Variants in CAPRIN2 observed in about 807,000 individuals in gnomAD.
CAPRIN2 encodes the protein caprin family member 2.
A neutral mutation model predicts 130.4 loss-of-function variants in CAPRIN2; 66 were observed. That is an observed-to-expected ratio of 0.51 (90% CI 0.42 to 0.62). The LOEUF (loss-of-function observed/expected upper bound fraction) is 0.62. CAPRIN2 is among the 20% of genes least tolerant of loss of function. CAPRIN2 has a pLI of 0.00. For missense variants in CAPRIN2, 1,185 were observed against 1,246.6 expected (o/e 0.95, Z 0.74); for synonymous variants, 471 against 444.1 (o/e 1.06, Z -0.76).
intron 2 of CAPRIN2, among the ~76,000 whole-genome samples, chr12:30,748,256 AAG>A (rs1396817549): frequency 7.9e-5 from 12 of 152,188 alleles, no homozygotes; most frequent in Non-Finnish European, 1.6e-4. Flanking sequence ...TCTTTCATGA[AAG>A]AGAGTCCATC....
exon 17 of CAPRIN2, chr12:30,709,988 T>A: frequency 6.2e-7 from 1 of 1,614,148 alleles, no homozygotes; most frequent in Admixed American, 1.7e-5. Flanking sequence ...CGTAACCATA[T>A]CTGGTCTCCC....
At position 30,723,458 on chromosome 12, in the gene CAPRIN2, A is replaced by C. The variant is rs143003099; in HGVS notation, c.1988-144T>G. 3.2e-5 allele frequency: 19 copies of C among 602,570 alleles called. No homozygotes were observed. In the East Asian group the frequency reaches 5.1e-4, roughly 16 times the overall value. 37.3% of individuals were successfully genotyped at this position (602,570 alleles called of 1,614,324 possible). A position where few individuals can be genotyped will look rare whatever the true frequency, so the allele number is the denominator to read the frequency against. On this transcript the variant is annotated intron_variant, in intron 10 of 16. Coordinates refer to ENST00000298892, the Ensembl canonical transcript of CAPRIN2. ...TCAAGTTCATCATGCACTTTCTATT[A>C]GAGTTTTAACAAGAGAGAACTGTAG...
Position 30,748,859 on chromosome 12 carries a change from C to T in CAPRIN2, c.483+2212G>A, listed in dbSNP as rs572421715. On this transcript the variant is annotated intron_variant, in intron 2 of 16. Transcript: ENST00000298892. ...CTACTACATGCTACACTCTATTCTACGCACTAGGAATACAGCAATGAACAG... is the reference window on the plus strand; with the variant it reads ...CTACTACATGCTACACTCTATTCTATGCACTAGGAATACAGCAATGAACAG... Among the ~76,000 whole-genome samples, 10 of 152,256 alleles carry T rather than the reference C, an allele frequency of 6.6e-5. No homozygotes were observed. In the East Asian group the frequency reaches 9.6e-4, roughly 15 times the overall value.
intron 12 of CAPRIN2, 61 bp from the exon 15 acceptor site, chr12:30,716,737 G>C: frequency 6.7e-7 from 1 of 1,487,148 alleles, no homozygotes; most frequent in South Asian, 1.2e-5. Context: ...CTTAAGGGTG[G>C]TATCCAGCAA....
upstream of CAPRIN2, chr12:30,754,743 G>T: frequency 6.5e-6 from 1 of 153,814 alleles, no homozygotes; most frequent in South Asian, 1.9e-4. Context: ...GCCGCAGCCC[G>T]ACTTCACCTC....
At chr12:30,734,186 T>C (rs898477497) in intron 4 of CAPRIN2, among the ~76,000 whole-genome samples, 3 of 152,156 alleles carry the variant, frequency 2.0e-5, no homozygotes, top group African/African-American at 7.2e-5. Flanking sequence ...GACGATGGAG[T>C]AGACTATCAG....
chr12:30,720,981 C>G, intron 11 of CAPRIN2, 66 bp from the exon 13 acceptor site: 1 of 1,114,452 alleles, frequency 9.0e-7, no homozygotes, highest in East Asian at 2.4e-5. Flanking sequence ...TTCTTGGGCC[C>G]TGGCCTTCCT....
chr12:30,752,705 C>G (rs2074582910), intron 1 of CAPRIN2, among the ~76,000 whole-genome samples: 1 of 152,100 alleles, frequency 6.6e-6, no homozygotes, highest in South Asian at 2.1e-4. Flanking sequence ...GATAGTCACT[C>G]AACCTCACCT....
intron 5 of CAPRIN2, 33 bp from the exon 7 acceptor site, chr12:30,731,543 A>G (rs2062681098): frequency 1.9e-6 from 3 of 1,560,236 alleles, no homozygotes; most frequent in Non-Finnish European, 2.6e-6. Context: ...TAATTGTCAC[A>G]TGACCTAATT....
At chr12:30,731,744 A>C (rs568509895) in intron 5 of CAPRIN2, among the ~76,000 whole-genome samples, 2 of 152,186 alleles carry the variant, frequency 1.3e-5, no homozygotes, top group Admixed American at 1.3e-4. Flanking sequence ...TGCTGAATCA[A>C]TATGAATTTT....
chr12:30,718,965 A>T (rs890007870), intron 12 of CAPRIN2, 114 bp downstream of exon 14: 7 of 1,213,354 alleles, frequency 5.8e-6, no homozygotes, highest in Admixed American at 2.2e-5. Context: ...TACCAACCCA[A>T]ATAAATTTTA....
rs775209566 is a variant in CAPRIN2 at position 30,710,499 on chromosome 12, A to G, written c.2666-29T>C. 6.2e-7 allele frequency: 1 copy of G among 1,613,056 alleles called. No homozygotes were observed. The highest frequency in any genetic ancestry group is 8.5e-7 in the Non-Finnish European group (1 of 1,179,712). On this transcript the variant is annotated intron_variant, in intron 16 of 16. Coordinates refer to ENST00000298892, the Ensembl canonical transcript of CAPRIN2. The surrounding 1 kb of genome is among the most constrained non-coding windows in gnomAD (Gnocchi z 4.8). ...TTTTATTAGCAACAGTGAGTTTCTC[A>G]TAATGAAGCAGTTAGCTTTGAACAC...
At chr12:30,725,607 C>T (rs2060671950) in intron 9 of CAPRIN2, among the ~76,000 whole-genome samples, 1 of 152,184 alleles carries the variant, frequency 6.6e-6, no homozygotes, top group African/African-American at 2.4e-5. Flanking sequence ...ATGAATGTCT[C>T]ATTTTCTGTA....
intron 1 of CAPRIN2, among the ~76,000 whole-genome samples, chr12:30,752,885 C>T (rs1468816582): frequency 6.6e-6 from 1 of 152,226 alleles, no homozygotes. Context: ...TTTCACCTAG[C>T]AATCTTAAAT....
chr12:30,753,469 G>A, exon 1 of CAPRIN2: 8 of 1,614,178 alleles, frequency 5.0e-6, no homozygotes, highest in South Asian at 1.1e-5. Context: ...CTCAAGGCCC[G>A]CTGGCTTTCC....
chr12:30,730,547 AAAT>A (rs1259509947), intron 6 of CAPRIN2, among the ~76,000 whole-genome samples: 11 of 152,228 alleles, frequency 7.2e-5, no homozygotes, highest in Non-Finnish European at 1.6e-4. Flanking sequence ...ATCTGATTGA[AAAT>A]AACACTATTT....
intron 1 of CAPRIN2, 106 bp downstream of exon 2, chr12:30,753,238 G>C: frequency 1.2e-6 from 1 of 868,428 alleles, no homozygotes; most frequent in South Asian, 1.8e-5. Context: ...TAAACCTAAG[G>C]TTAGTTAAAT....
Position 30,712,673 on chromosome 12 carries a change from A to G in CAPRIN2, c.2602-1044T>C, listed in dbSNP as rs138625195. Among the ~76,000 whole-genome samples the G allele has an allele frequency of 2.8e-3, 424 of 152,096 alleles. 2 individuals carry two copies. Among genetic ancestry groups the G allele is most frequent in the African/African-American group, 9.8e-3 (408 of 41,518 alleles). Reference sequence around the variant, plus strand: ...CTAACTTATCTGAGGTCACATGGCAAGAGAAGTGATAAATGAGGGGTCAAA... The same window carrying G: ...CTAACTTATCTGAGGTCACATGGCAGGAGAAGTGATAAATGAGGGGTCAAA... On this transcript the variant is annotated intron_variant, in intron 15 of 16. Transcript: ENST00000298892.
At chr12:30,718,824 T>A (rs1434935350) in intron 12 of CAPRIN2, among the ~76,000 whole-genome samples, 2 of 152,240 alleles carry the variant, frequency 1.3e-5, no homozygotes, top group African/African-American at 4.8e-5. Flanking sequence ...ATATGGATCC[T>A]CAGCTTTGCC....
Sources: gnomAD v4.1 joint callset for allele counts (sites outside exome capture counted in the v4.1 genomes callset) on GRCh38, gnomAD v4.1.1 for gene constraint, Gnocchi (gnomAD v3.1) non-coding constraint, MANE v1.5 for transcripts, NCBI Gene and HGNC (gene_info 2026-07-23, HGNC 2026-07-21) for gene names.